The following SERGEF variants were observed in gnomAD, a reference collection of about 807,000 sequenced individuals.
SERGEF encodes the protein secretion regulating guanine nucleotide exchange factor.
In SERGEF, 51 loss-of-function variants were observed where a neutral mutation model predicts 50.0. The observed-to-expected ratio is 1.02, with a 90% CI of 0.81 to 1.29. The LOEUF is 1.29. Among genes scored for constraint, SERGEF ranks in the 50% most tolerant of loss-of-function variants. SERGEF has a pLI of 0.00. For missense variants in SERGEF, 521 were observed against 557.0 expected, an observed-to-expected ratio of 0.94 and a Z score of 0.65; for synonymous variants, 205 against 212.4, an observed-to-expected ratio of 0.97 and a Z score of 0.30.
At chr11:17,988,883 G>A (rs904197099) in intron 7 of SERGEF, 128 bp from the exon 8 acceptor site, 7 of 816,326 alleles carry the variant, frequency 8.6e-6, no homozygotes, top group African/African-American at 3.5e-5. Context: ...AGGTTGAGTG[G>A]AGCCAAGCAG....
Position 17,868,931 on chromosome 11 carries a change from C to T in SERGEF, c.1048+9277G>A, listed in dbSNP as rs116885679. On this transcript the variant is annotated intron_variant, in intron 10 of 10. Coordinates refer to ENST00000265965, the MANE Select transcript of SERGEF (RefSeq NM_012139.4). ...TTACCTCCCACAAGGTCACTCCCCACAACACATGGGAATTCAATATGAGAT... is the reference window on the plus strand; with the variant it reads ...TTACCTCCCACAAGGTCACTCCCCATAACACATGGGAATTCAATATGAGAT... Among the ~76,000 whole-genome samples, 71 of 152,272 alleles carry T rather than the reference C, an allele frequency of 4.7e-4. No individual in the cohort carries two copies. The East Asian group carries it at 0.012, about 25-fold the overall frequency.
chr11:17,951,994 A>C lies in SERGEF; in HGVS notation c.1011+7476T>G, dbSNP rs1330942315. On this transcript the variant is annotated intron_variant, in intron 9 of 10. Transcript: ENST00000265965. ...TGCCCTAATCTCATCACTCCAGCAG[A>C]TAATTTTCCTTCCAATCTAACCACG... 2.0e-5 allele frequency among the ~76,000 whole-genome samples: 3 copies of C among 152,328 alleles called. No homozygotes were observed. The East Asian group carries it at 5.8e-4, about 29-fold the overall frequency.
At chr11:17,969,174 C>T (rs1386272479) in intron 8 of SERGEF, among the ~76,000 whole-genome samples, 1 of 152,168 alleles carries the variant, frequency 6.6e-6, no homozygotes, top group African/African-American at 2.4e-5. Context: ...CTGAGATGTG[C>T]CGGCTGAGGT....
At chr11:17,931,512 C>A (rs1852352021) in intron 9 of SERGEF, among the ~76,000 whole-genome samples, 1 of 152,118 alleles carries the variant, frequency 6.6e-6, no homozygotes, top group Admixed American at 6.6e-5. Context: ...ATATGTCCTA[C>A]CCATTCTTCT....
At chr11:17,968,220 C>T (rs1454151069) in intron 8 of SERGEF, among the ~76,000 whole-genome samples, 1 of 152,138 alleles carries the variant, frequency 6.6e-6, no homozygotes, top group Non-Finnish European at 1.5e-5. Context: ...ATTGCTGTTA[C>T]CACCAAGGAT....
chr11:17,936,492 C>T (rs1417055687), intron 9 of SERGEF, among the ~76,000 whole-genome samples: 1 of 152,186 alleles, frequency 6.6e-6, no homozygotes, highest in Non-Finnish European at 1.5e-5. Flanking sequence ...ATAGAGTTCT[C>T]CAGTTTTCAA....
intron 9 of SERGEF, among the ~76,000 whole-genome samples, chr11:17,890,128 G>T (rs577123547): frequency 6.6e-6 from 1 of 151,994 alleles, no homozygotes; most frequent in Non-Finnish European, 1.5e-5. Flanking sequence ...TGGCTAAGAA[G>T]GGGCAGCAGG....
At chr11:17,972,572 A>G (rs1590226331) in intron 8 of SERGEF, among the ~76,000 whole-genome samples, 2 of 152,256 alleles carry the variant, frequency 1.3e-5, no homozygotes, top group East Asian at 3.8e-4. Context: ...TAATAGGTAT[A>G]GTATACAGTA....
chr11:17,807,873 C>A (rs559462924), intron 10 of SERGEF, among the ~76,000 whole-genome samples: 118 of 152,334 alleles, frequency 7.7e-4, no homozygotes, highest in African/African-American at 2.8e-3. Context: ...TTGCCTCCCC[C>A]AGTCCTGCCC....
At chr11:17,814,961 G>A (rs748363030) in intron 10 of SERGEF, among the ~76,000 whole-genome samples, 14 of 152,174 alleles carry the variant, frequency 9.2e-5, no homozygotes, top group African/African-American at 2.4e-4. Flanking sequence ...TGGGAGGATC[G>A]CTTGAGCCCA....
intron 9 of SERGEF, among the ~76,000 whole-genome samples, chr11:17,894,065 G>A (rs959519581): frequency 5.3e-5 from 8 of 152,118 alleles, no homozygotes; most frequent in Non-Finnish European, 8.8e-5. Flanking sequence ...CATTGCCGAA[G>A]TCCAAATTCC....
At chr11:17,847,872 T>G (rs1201052688) in intron 10 of SERGEF, among the ~76,000 whole-genome samples, 1 of 152,144 alleles carries the variant, frequency 6.6e-6, no homozygotes, top group African/African-American at 2.4e-5. Flanking sequence ...TATCTGCAAT[T>G]TAATAAGCTC....
At chr11:17,989,543 C>T (rs1009412690) in intron 7 of SERGEF, among the ~76,000 whole-genome samples, 3 of 152,160 alleles carry the variant, frequency 2.0e-5, no homozygotes, top group Non-Finnish European at 2.9e-5. Context: ...CCAGAGAGTA[C>T]GTGCCTATCT....
intron 8 of SERGEF, among the ~76,000 whole-genome samples, chr11:17,969,879 C>G (rs1298901365): frequency 1.3e-5 from 2 of 152,242 alleles, no homozygotes; most frequent in Admixed American, 6.5e-5. Flanking sequence ...ACATTCAATT[C>G]AGCCTCATAC....
intron 9 of SERGEF, among the ~76,000 whole-genome samples, chr11:17,926,118 T>C (rs1852243683): frequency 6.6e-6 from 1 of 152,204 alleles, no homozygotes; most frequent in South Asian, 2.1e-4. Context: ...TCATTAGATG[T>C]CAGTTTCAAA....
chr11:17,797,908 G>A (rs1401377014), intron 10 of SERGEF, among the ~76,000 whole-genome samples: 1 of 152,184 alleles, frequency 6.6e-6, no homozygotes, highest in Non-Finnish European at 1.5e-5. Context: ...CTCTGCCACA[G>A]GTCCTGAGCC....
chr11:17,898,470 A>G (rs1474204149), intron 9 of SERGEF, among the ~76,000 whole-genome samples: 2 of 152,162 alleles, frequency 1.3e-5, no homozygotes, highest in Non-Finnish European at 2.9e-5. Flanking sequence ...TATAGTACTA[A>G]CCTCACAGGA....
At chr11:17,948,432 A>G in intron 9 of SERGEF, among the ~76,000 whole-genome samples, 1 of 152,130 alleles carries the variant, frequency 6.6e-6, no homozygotes, top group East Asian at 1.9e-4. Flanking sequence ...TCCTTCCCCT[A>G]TTTGTTGCTC....
At chr11:18,011,137 T>TACAC (rs57370560) in intron 1 of SERGEF, among the ~76,000 whole-genome samples, 27,949 of 147,572 alleles carry the variant, frequency 0.19, 2,685 homozygotes, top group South Asian at 0.33. Flanking sequence ...CATGCACACA[T>TACAC]ACACACACAC....
Sources: allele counts gnomAD v4.1 joint callset (sites outside exome capture counted in the v4.1 genomes callset), GRCh38; gene constraint gnomAD v4.1.1; transcripts MANE v1.5; gene names NCBI Gene and HGNC (gene_info 2026-07-23, HGNC 2026-07-21).